PLEKHA6: variants seen among roughly 807,000 people sequenced by gnomAD.
PLEKHA6 encodes pleckstrin homology domain containing A6, also known as pleckstrin homology domain-containing family A member 6.
A neutral mutation model predicts 116.7 loss-of-function variants in PLEKHA6; 60 were observed. That is an observed-to-expected ratio of 0.51 (90% CI 0.42 to 0.64). The LOEUF (loss-of-function observed/expected upper bound fraction) is 0.64. Among genes scored for constraint, PLEKHA6 ranks in the 30% least tolerant of loss-of-function variants. The pLI, the probability that PLEKHA6 is intolerant of heterozygous loss-of-function variation, is 0.00. For synonymous variants in PLEKHA6, 489 were observed against 556.1 expected (o/e 0.88, Z 1.70); for missense variants, 1,338 against 1,422.7 (o/e 0.94, Z 0.96).
intron 12 of PLEKHA6, 60 bp from the exon 13 acceptor site, chr1:204,247,520 C>G: frequency 9.0e-7 from 1 of 1,105,648 alleles, no homozygotes; most frequent in South Asian, 1.3e-5. Flanking sequence ...TCCTCCTTAT[C>G]CTGCAATGGA....
In PLEKHA6 at chr1:204,257,528, T is replaced by C. The variant is rs1665495593; in HGVS notation, c.1349A>G (p.Gln450Arg). 3 of 1,594,584 alleles carry C rather than the reference T, an allele frequency of 1.9e-6. No individual in the cohort carries two copies. The South Asian group carries it at 3.4e-5, about 18-fold the overall frequency. ...GCGGGGCACAGAGTGGGAGCGGGGC[T>C]GCAGGGACAGGCGGCGCAGGGAGCT... Reference protein sequence around the residue: ...ASSSLRRLSLQPRSHSVPRSP... With the variant: ...ASSSLRRLSLRPRSHSVPRSP... Residue 450 changes from glutamine to arginine, a missense_variant, in exon 9 of 23, where the codon CAG (glutamine) becomes CGG (arginine). Coordinates refer to ENST00000272203, the MANE Select transcript of PLEKHA6 (RefSeq NM_014935.5). This position sits in a 1 kb window ranked among gnomAD's most constrained non-coding sequence, Gnocchi z 6.5.
At chr1:204,292,056 C>A (rs1053127124) in intron 1 of PLEKHA6, among the ~76,000 whole-genome samples, 24 of 152,142 alleles carry the variant, frequency 1.6e-4, no homozygotes, top group African/African-American at 5.3e-4. Flanking sequence ...TTTAGTCTGA[C>A]AGAAATGCTG....
At chr1:204,348,054 C>T (rs141782232) in intron 1 of PLEKHA6, among the ~76,000 whole-genome samples, 9 of 152,256 alleles carry the variant, frequency 5.9e-5, no homozygotes, top group Admixed American at 1.3e-4. Context: ...AATTCCTAGT[C>T]GCACACACCC....
At chr1:204,273,384 C>T (rs899864755) in intron 3 of PLEKHA6, among the ~76,000 whole-genome samples, 2 of 152,222 alleles carry the variant, frequency 1.3e-5, no homozygotes, top group African/African-American at 4.8e-5. Flanking sequence ...AATCATCCAA[C>T]CCCGACTGCT....
At chr1:204,248,232 C>T (rs1372131635) in intron 12 of PLEKHA6, among the ~76,000 whole-genome samples, 1 of 138,996 alleles carries the variant, frequency 7.2e-6, no homozygotes, top group Non-Finnish European at 1.5e-5. Flanking sequence ...GATCTCGGCT[C>T]ACGGCAACCT....
At chr1:204,325,844 G>A in intron 1 of PLEKHA6, 1 of 942,638 alleles carries the variant, frequency 1.1e-6, no homozygotes, top group Non-Finnish European at 1.3e-6. Context: ...TCAGGGCCCA[G>A]GCGAACAAGG....
chr1:204,349,530 G>T (rs946228174), intron 1 of PLEKHA6, among the ~76,000 whole-genome samples: 12 of 121,796 alleles, frequency 9.9e-5, no homozygotes, highest in African/African-American at 3.7e-4. Context: ...AACAGAGCAG[G>T]ACTCCATCTC....
intron 21 of PLEKHA6, among the ~76,000 whole-genome samples, chr1:204,224,944 T>A (rs188204560): frequency 6.6e-6 from 1 of 152,212 alleles, no homozygotes; most frequent in African/African-American, 2.4e-5. Flanking sequence ...CCACAGGACA[T>A]GCAGCGAGGC....
chr1:204,255,635 C>T, intron 9 of PLEKHA6: 2 of 702,942 alleles, frequency 2.8e-6, no homozygotes, highest in Non-Finnish European at 5.2e-6. Flanking sequence ...CCTGCTGATC[C>T]AAATACTCTA....
intron 3 of PLEKHA6, among the ~76,000 whole-genome samples, chr1:204,365,764 C>T (rs575383301): frequency 6.6e-5 from 10 of 152,312 alleles, no homozygotes; most frequent in Non-Finnish European, 1.5e-4. Flanking sequence ...AGAATCTGCT[C>T]CCAGGACTTA....
rs532065748 is a variant in PLEKHA6 at position 204,236,772 on chromosome 1, A to G, written c.2409+4603T>C. On this transcript the variant is annotated intron_variant, in intron 17 of 22. Transcript: ENST00000272203. ...CCTACTGCATTCCTACTTAATTTAT[A>G]CAAGCAGAAAGCTTCCAAGTCAAAT... 4.6e-5 allele frequency among the ~76,000 whole-genome samples: 7 copies of G among 152,322 alleles called. No homozygotes were observed. In the South Asian group the frequency reaches 1.4e-3, roughly 32 times the overall value.
chr1:204,247,707 C>T (rs984870895), intron 12 of PLEKHA6, among the ~76,000 whole-genome samples: 1 of 152,192 alleles, frequency 6.6e-6, no homozygotes, highest in African/African-American at 2.4e-5. Flanking sequence ...GGGATGATAT[C>T]ACTTCCATAC....
chr1:204,299,125 T>C (rs1470066095), intron 1 of PLEKHA6, among the ~76,000 whole-genome samples: 1 of 152,152 alleles, frequency 6.6e-6, no homozygotes, highest in Non-Finnish European at 1.5e-5. Context: ...CTGCTTTGAG[T>C]AGTCAGTAAC....
At chr1:204,279,910 C>A (rs929938057) in intron 1 of PLEKHA6, among the ~76,000 whole-genome samples, 1 of 152,156 alleles carries the variant, frequency 6.6e-6, no homozygotes, top group Non-Finnish European at 1.5e-5. Flanking sequence ...TGTAAACTTG[C>A]AAGATATAGA....
At chr1:204,230,311 C>T (rs1181798306) in intron 18 of PLEKHA6, 102 bp downstream of exon 18, 2 of 943,984 alleles carry the variant, frequency 2.1e-6, no homozygotes, top group Non-Finnish European at 3.0e-6. Flanking sequence ...TTTCCCCTCT[C>T]CTTCCTCTCA....
intron 1 of PLEKHA6, among the ~76,000 whole-genome samples, chr1:204,353,624 C>T (rs960177526): frequency 9.2e-5 from 14 of 152,154 alleles, no homozygotes; most frequent in African/African-American, 3.4e-4. Context: ...TTTCAGGTCG[C>T]ATTGCTTTAT....
chr1:204,246,144 C>G (rs745912699), intron 13 of PLEKHA6, among the ~76,000 whole-genome samples: 1 of 152,176 alleles, frequency 6.6e-6, no homozygotes, highest in Admixed American at 6.5e-5. Context: ...TCCCAGCGTA[C>G]GCCTGAAGAG....
At chr1:204,344,421 G>A (rs942939759) in intron 1 of PLEKHA6, among the ~76,000 whole-genome samples, 7 of 151,960 alleles carry the variant, frequency 4.6e-5, no homozygotes, top group African/African-American at 1.7e-4. Flanking sequence ...CCAACATGGT[G>A]AAACCCCGTC....
At chr1:204,335,881 C>T (rs971902705) in intron 1 of PLEKHA6, among the ~76,000 whole-genome samples, 1 of 152,164 alleles carries the variant, frequency 6.6e-6, no homozygotes, top group Non-Finnish European at 1.5e-5. Context: ...CCCCTGTCAC[C>T]TCATCTCAAT....
Sources: gnomAD v4.1 joint callset for allele counts (sites outside exome capture counted in the v4.1 genomes callset) on GRCh38, gnomAD v4.1.1 for gene constraint, Gnocchi (gnomAD v3.1) non-coding constraint, MANE v1.5 for transcripts, NCBI Gene and HGNC (gene_info 2026-07-23, HGNC 2026-07-21) for gene names.